KIF22: variants seen among roughly 807,000 people sequenced by gnomAD.
KIF22 encodes kinesin-like protein KIF22.
A neutral mutation model predicts 73.0 loss-of-function variants in KIF22; 62 were observed. That is an observed-to-expected ratio of 0.85 (90% CI 0.69 to 1.05). KIF22 has a LOEUF of 1.05. KIF22 is among the 50% of genes least tolerant of loss of function. KIF22 has a pLI of 0.00. For synonymous variants in KIF22, 411 were observed against 340.1 expected, an observed-to-expected ratio of 1.21 and a Z score of -2.29; for missense variants, 854 against 870.1, an observed-to-expected ratio of 0.98 and a Z score of 0.23.
At chr16:29,793,682 C>T (rs1898879101) in intron 1 of KIF22, among the ~76,000 whole-genome samples, 1 of 151,962 alleles carries the variant, frequency 6.6e-6, no homozygotes, top group Non-Finnish European at 1.5e-5. Context: ...ATGCTACTGG[C>T]ATCTAGTAAG....
rs544716175 is a variant in KIF22, at chr16:29,796,554, T to C, written c.71-339T>C. On this transcript the variant is annotated intron_variant, in intron 1 of 13. Transcript: ENST00000160827. Reference sequence around the variant, plus strand: ...TGAGACTCCATCCCTCTCTCTCTCTTTTTTTTTTTTAAGTGCCCAGCATCA... The same window carrying C: ...TGAGACTCCATCCCTCTCTCTCTCTCTTTTTTTTTTAAGTGCCCAGCATCA... Among the ~76,000 whole-genome samples, 1,363 of 146,198 alleles carry C rather than the reference T, an allele frequency of 9.3e-3. 14 individuals carry two copies. The highest frequency in any genetic ancestry group is 0.014 in the Non-Finnish European group (933 of 65,870).
At position 29,799,261 on chromosome 16, in the gene KIF22, C is replaced by G. The variant is rs753911757; in HGVS notation, c.760-3C>G. On this transcript the variant is annotated splice_polypyrimidine_tract_variant and splice_region_variant and intron_variant, in intron 5 of 13. Coordinates refer to ENST00000160827, the MANE Select transcript of KIF22 (RefSeq NM_007317.3). ...AGCACGAGACCTTTGTTCTTACCCCCAGGTGGACCAGCGGGAACGTTTGGC... is the reference window on the plus strand; with the variant it reads ...AGCACGAGACCTTTGTTCTTACCCCGAGGTGGACCAGCGGGAACGTTTGGC... 2 of 1,613,262 alleles carry G rather than the reference C, an allele frequency of 1.2e-6. No homozygotes were observed. The highest frequency in any genetic ancestry group is 4.5e-5 in the East Asian group (2 of 44,864).
At chr16:29,805,206 G>C in intron 13 of KIF22, 32 bp downstream of exon 13, 2 of 1,614,104 alleles carry the variant, frequency 1.2e-6, no homozygotes, top group South Asian at 1.1e-5. Flanking sequence ...TCCTCTGCCT[G>C]TCCTGCGCCC....
At position 29,800,485 on chromosome 16, in the gene KIF22, C is replaced by T. The variant is rs958379603; in HGVS notation, c.1280+437C>T. 4.0e-5 allele frequency among the ~76,000 whole-genome samples: 6 copies of T among 151,680 alleles called. No individual in the cohort carries two copies. In the East Asian group the frequency reaches 1.2e-3, roughly 29 times the overall value. On this transcript the variant is annotated intron_variant, in intron 8 of 13. Coordinates refer to ENST00000160827, the MANE Select transcript of KIF22 (RefSeq NM_007317.3). Reference sequence around the variant, plus strand: ...AGTAAATAAGTGAATTCAACCCTGGCTAGGCACGGTGGCTCACGCCTGTAA... The same window carrying T: ...AGTAAATAAGTGAATTCAACCCTGGTTAGGCACGGTGGCTCACGCCTGTAA...
intron 1 of KIF22, among the ~76,000 whole-genome samples, chr16:29,793,338 G>A (rs1898865929): frequency 6.6e-6 from 1 of 152,158 alleles, no homozygotes; most frequent in African/African-American, 2.4e-5. Flanking sequence ...TATTCGGGAG[G>A]CTGAGGCAGG....
chr16:29,796,285 ACACAC>A (rs1188838387), intron 1 of KIF22, among the ~76,000 whole-genome samples: 16 of 122,528 alleles, frequency 1.3e-4, no homozygotes, highest in Admixed American at 6.7e-4. Flanking sequence ...AAAAAAAAAA[ACACAC>A]ACACACACAC....
Position 29,798,907 on chromosome 16 carries a change from G to C in KIF22, c.550-68G>C. On this transcript the variant is annotated intron_variant, in intron 4 of 13. Transcript: ENST00000160827. The surrounding 1 kb of genome is among the most constrained non-coding windows in gnomAD (Gnocchi z 4.1). ...AACTCCGAGAATAGAACAGAGAAAG[G>C]AAACTGATCCCCAGGAAGAAACAGC... 6 of 1,568,640 alleles carry C rather than the reference G, an allele frequency of 3.8e-6. No individual in the cohort carries two copies. The highest frequency in any genetic ancestry group is 4.4e-6 in the Non-Finnish European group (5 of 1,140,152).
chr16:29,803,900 G>C (rs966565263), intron 10 of KIF22, 98 bp from the exon 11 acceptor site: 5 of 926,708 alleles, frequency 5.4e-6, no homozygotes, highest in African/African-American at 1.6e-5. Flanking sequence ...TCTGGATGGA[G>C]GGGAGCTGGG....
intron 13 of KIF22, 23 bp from the exon 14 acceptor site, chr16:29,805,240 T>C (rs1216559764): frequency 1.9e-6 from 3 of 1,613,726 alleles, no homozygotes; most frequent in Non-Finnish European, 2.5e-6. Context: ...AACGTCGCTG[T>C]CTCCCTCCCT....
intron 8 of KIF22, 54 bp from the exon 9 acceptor site, chr16:29,802,715 G>A: frequency 3.4e-6 from 5 of 1,487,746 alleles, no homozygotes; most frequent in African/African-American, 1.4e-5. Context: ...TCCTGCTGCT[G>A]TAGGTGGTGA....
chr16:29,796,898 G>A lies in KIF22; in HGVS notation c.76G>A (p.Gly26Ser), dbSNP rs1363686726. Reference sequence around the variant, plus strand: ...AGTGATCTTCTCTCCTCCAGGAGCTGGTCGCTGTCGGCTAAGCAAGATTGG... The same window carrying A: ...AGTGATCTTCTCTCCTCCAGGAGCTAGTCGCTGTCGGCTAAGCAAGATTGG... ...AASAAAISGAGRCRLSKIGAT... is the reference protein window; with the variant it reads ...AASAAAISGASRCRLSKIGAT... Residue 26 changes from glycine (G) to serine (S), a missense_variant, in exon 2 of 14, where the codon GGT (glycine) becomes AGT (serine). This residue lies in a region of KIF22 where 186 missense variants were observed against 152.9 expected (regional missense o/e 1.22). Coordinates refer to ENST00000160827, the MANE Select transcript of KIF22 (RefSeq NM_007317.3). The A allele has an allele frequency of 6.2e-7, 1 of 1,613,940 alleles. No homozygotes were observed. Among genetic ancestry groups the A allele is most frequent in the Non-Finnish European group, 8.5e-7 (1 of 1,179,980 alleles).
rs758077486 is a variant in KIF22 at position 29,798,705 on chromosome 16, C to G, written c.507C>G (p.Ala169=). The change falls in exon 4 of 14, where the codon GCC becomes GCG. Residue 169 remains alanine, a synonymous_variant. Transcript: ENST00000160827. The surrounding 1 kb of genome is among the most constrained non-coding windows in gnomAD (Gnocchi z 4.1). Reference sequence around the variant, plus strand: ...AGGGTGCCGAGGGCCGGCCATGGGCCCTTTCTGTCACCATGTCTTACCTAG... The same window carrying G: ...AGGGTGCCGAGGGCCGGCCATGGGCGCTTTCTGTCACCATGTCTTACCTAG... ...REEGAEGRPW[A]LSVTMSYLEI... 8 of 1,614,122 alleles carry G rather than the reference C, an allele frequency of 5.0e-6. No individual in the cohort carries two copies. The highest frequency in any genetic ancestry group is 6.8e-6 in the Non-Finnish European group (8 of 1,180,022).
At position 29,797,115 on chromosome 16, in the gene KIF22, T is replaced by G. The variant is rs778498595; in HGVS notation, c.266+27T>G. 6.6e-7 allele frequency: 1 copy of G among 1,508,182 alleles called. No individual in the cohort carries two copies. The allele number at this position is 1,508,182 out of a possible 1,614,324, so 93.4% of individuals were successfully genotyped here. ...TAAGGTTCAGGCCACTCCTCTTCCCTCATGCCATCACCTCCCTCTCCTAGG... is the reference window on the plus strand; with the variant it reads ...TAAGGTTCAGGCCACTCCTCTTCCCGCATGCCATCACCTCCCTCTCCTAGG... On this transcript the variant is annotated intron_variant, in intron 2 of 13. Transcript: ENST00000160827. The surrounding 1 kb of genome is among the most constrained non-coding windows in gnomAD (Gnocchi z 4.1).
Position 29,797,698 on chromosome 16 carries a change from T to G in KIF22, c.266+610T>G, listed in dbSNP as rs557189590. Among the ~76,000 whole-genome samples, 33 of 152,330 alleles carry G rather than the reference T, an allele frequency of 2.2e-4. No individual in the cohort carries two copies. The highest frequency in any genetic ancestry group is 7.5e-4 in the African/African-American group (31 of 41,574). The stretch of plus-strand genomic sequence containing the variant: ...AAAGGAACACATGGCCCACAAAGCC[T>G]AAAATATGTACAATCTGCCTTTTTA... On this transcript the variant is annotated intron_variant, in intron 2 of 13. Coordinates refer to ENST00000160827, the MANE Select transcript of KIF22 (RefSeq NM_007317.3). This position sits in a 1 kb window ranked among gnomAD's most constrained non-coding sequence, Gnocchi z 4.1.
At chr16:29,800,826 G>C (rs1899113726) in intron 8 of KIF22, among the ~76,000 whole-genome samples, 1 of 152,134 alleles carries the variant, frequency 6.6e-6, no homozygotes, top group South Asian at 2.1e-4. Flanking sequence ...AATCACTAAA[G>C]TCTAAGATTA....
chr16:29,804,451 A>C, intron 11 of KIF22: 1 of 632,818 alleles, frequency 1.6e-6, no homozygotes, highest in South Asian at 1.6e-5. Flanking sequence ...GGTATCATTT[A>C]TTCATATTAC....
At position 29,804,999 on chromosome 16, in the gene KIF22, G is replaced by C; in HGVS notation, c.1863G>C (p.Trp621Cys). Residue 621 changes from tryptophan to cysteine, a missense_variant, in exon 12 of 14, where the codon TGG becomes TGC. This residue lies in a region of KIF22 where 423 missense variants were observed against 365.4 expected (regional missense o/e 1.16). Coordinates refer to ENST00000160827, the MANE Select transcript of KIF22 (RefSeq NM_007317.3). The stretch of plus-strand genomic sequence containing the variant: ...AGAAGGCCCAGCTAATCGTGGGCTG[G>C]CGGGAGCTCCACGGCCCCTTCAGCC... ...GPKKAQLIVG[W>C]RELHGPFSQV... 6.2e-7 allele frequency: 1 copy of C among 1,610,560 alleles called. No homozygotes were observed. The highest frequency in any genetic ancestry group is 8.5e-7 in the Non-Finnish European group (1 of 1,178,500).
At chr16:29,800,148 T>C in intron 8 of KIF22, 100 bp downstream of exon 8, 2 of 1,368,124 alleles carry the variant, frequency 1.5e-6, no homozygotes, top group Non-Finnish European at 2.0e-6. Flanking sequence ...TGTGATCTTG[T>C]TCCTCTCCCA....
chr16:29,798,600 G>A lies in KIF22; in HGVS notation c.402G>A (p.Thr134=), dbSNP rs1567358371. 4.3e-6 allele frequency: 7 copies of A among 1,613,828 alleles called. No homozygotes were observed. Among genetic ancestry groups the A allele is most frequent in the African/African-American group, 2.7e-5 (2 of 74,928 alleles). Residue 134 remains threonine (T), a synonymous_variant, in exon 4 of 14, where the codon ACG becomes ACA. Transcript: ENST00000160827. The surrounding 1 kb of genome is among the most constrained non-coding windows in gnomAD (Gnocchi z 4.1). ...LAYGPTGAGK[T]HTMLGSPEQP... ...TCTCCACTCTCTTCCCAGGGAAGAC[G>A]CACACAATGCTGGGCAGCCCAGAGC... is the stretch of plus-strand genomic sequence containing the variant.
Sources: gnomAD v4.1 joint callset for allele counts (sites outside exome capture counted in the v4.1 genomes callset) on GRCh38, gnomAD v4.1.1 for gene constraint, gnomAD v4.1.1 regional missense constraint, Gnocchi (gnomAD v3.1) non-coding constraint, MANE v1.5 for transcripts, NCBI Gene and HGNC (gene_info 2026-07-23, HGNC 2026-07-21) for gene names.